The following TMEM131 variants were observed in gnomAD, a reference collection of about 807,000 sequenced individuals.
TMEM131 encodes the protein transmembrane protein 131, also known as 2610524E03Rik.
A neutral mutation model predicts 211.6 loss-of-function variants in TMEM131; 66 were observed. That is an observed-to-expected ratio of 0.31 (90% CI 0.26 to 0.38). The LOEUF is 0.38. TMEM131 is among the 10% of genes least tolerant of loss of function. TMEM131 has a pLI of 1.00. For missense variants in TMEM131, 2,036 were observed against 2,299.3 expected (o/e 0.89, Z 2.34); for synonymous variants, 844 against 841.3 (o/e 1.00, Z -0.06).
Position 97,758,064 on chromosome 2 carries a change from G to A in TMEM131, c.5368-681C>T, listed in dbSNP as rs545420233. ...GGAGAATGGCATGAACCCAGGAGGC[G>A]GAGCTTGCAGTGAGCCGAGATTGTG... On this transcript the variant is annotated intron_variant, in intron 40 of 40. Transcript: ENST00000186436. Among the ~76,000 whole-genome samples, 9 of 151,958 alleles carry A rather than the reference G, an allele frequency of 5.9e-5. No individual in the cohort carries two copies. In the South Asian group the frequency reaches 1.2e-3, roughly 21 times the overall value.
At chr2:97,883,329 C>T (rs1675012154) in intron 4 of TMEM131, among the ~76,000 whole-genome samples, 1 of 152,190 alleles carries the variant, frequency 6.6e-6, no homozygotes, top group South Asian at 2.1e-4. Flanking sequence ...TAACTATACT[C>T]CTTTGCTATG....
chr2:97,913,129 T>C (rs1307126804), intron 2 of TMEM131: 1 of 152,148 alleles, frequency 6.6e-6, no homozygotes. Context: ...GAGGCATTTT[T>C]GTTTGTCGCA....
chr2:97,845,153 C>T (rs1210216389), intron 5 of TMEM131, among the ~76,000 whole-genome samples: 2 of 151,706 alleles, frequency 1.3e-5, no homozygotes, highest in Non-Finnish European at 2.9e-5. Context: ...TAATTCACAA[C>T]TTTTCTTGAA....
intron 11 of TMEM131, among the ~76,000 whole-genome samples, chr2:97,832,106 A>G (rs1682729009): frequency 6.6e-6 from 1 of 151,086 alleles, no homozygotes; most frequent in Non-Finnish European, 1.5e-5. Flanking sequence ...TTTATTACAT[A>G]GCAGTACTAG....
chr2:97,882,159 G>A (rs1674962973), intron 4 of TMEM131, among the ~76,000 whole-genome samples: 1 of 152,092 alleles, frequency 6.6e-6, no homozygotes, highest in South Asian at 2.1e-4. Flanking sequence ...CAAAATTTAG[G>A]AACCTCTTTG....
chr2:97,810,683 T>C (rs1042516309), intron 18 of TMEM131, among the ~76,000 whole-genome samples: 1 of 152,218 alleles, frequency 6.6e-6, no homozygotes, highest in Admixed American at 6.5e-5. Flanking sequence ...TCCCTTGACT[T>C]TGAATGACTC....
intron 1 of TMEM131, among the ~76,000 whole-genome samples, chr2:97,979,610 C>T (rs1346202328): frequency 6.6e-6 from 1 of 151,868 alleles, no homozygotes; most frequent in East Asian, 1.9e-4. Context: ...TCTGCAGCTT[C>T]TTCCCCTCTC....
At chr2:97,990,984 TA>T (rs1680238099) in intron 1 of TMEM131, among the ~76,000 whole-genome samples, 4 of 152,220 alleles carry the variant, frequency 2.6e-5, no homozygotes, top group Admixed American at 2.6e-4. Flanking sequence ...CTATGAAATT[TA>T]AATTGTCATA....
At chr2:97,935,841 T>A (rs939731686) in intron 1 of TMEM131, among the ~76,000 whole-genome samples, 1 of 152,224 alleles carries the variant, frequency 6.6e-6, no homozygotes, top group Non-Finnish European at 1.5e-5. Flanking sequence ...TAATACATTT[T>A]TAAAAAGCTG....
At chr2:97,926,801 T>G (rs1677010540) in intron 2 of TMEM131, among the ~76,000 whole-genome samples, 1 of 152,190 alleles carries the variant, frequency 6.6e-6, no homozygotes, top group South Asian at 2.1e-4. Context: ...TTAGAATGGA[T>G]TATCAACCTG....
chr2:97,973,175 C>T (rs996198642), intron 1 of TMEM131, among the ~76,000 whole-genome samples: 1 of 152,098 alleles, frequency 6.6e-6, no homozygotes, highest in Non-Finnish European at 1.5e-5. Flanking sequence ...TTTTCTGTAC[C>T]AAGAGGTTTA....
chr2:97,766,963 G>T (rs1559345872), intron 33 of TMEM131, among the ~76,000 whole-genome samples: 1 of 152,160 alleles, frequency 6.6e-6, no homozygotes, highest in African/African-American at 2.4e-5. Flanking sequence ...CGGTCATTCT[G>T]CCTGTGAGTC....
At chr2:97,817,523 T>C (rs1448058340) in intron 12 of TMEM131, among the ~76,000 whole-genome samples, 1 of 152,218 alleles carries the variant, frequency 6.6e-6, no homozygotes, top group Admixed American at 6.5e-5. Flanking sequence ...CTCAGCAGCA[T>C]AGAGAACACT....
chr2:97,984,424 G>A (rs1274265767), intron 1 of TMEM131, among the ~76,000 whole-genome samples: 1 of 152,006 alleles, frequency 6.6e-6, no homozygotes, highest in Non-Finnish European at 1.5e-5. Flanking sequence ...GAGTACTGGA[G>A]GCTGGGTAAT....
chr2:97,796,571 T>C (rs1680774479), intron 27 of TMEM131, among the ~76,000 whole-genome samples, 167 bp from the exon 28 acceptor site: 2 of 152,234 alleles, frequency 1.3e-5, no homozygotes, highest in South Asian at 2.1e-4. Flanking sequence ...GTAATCTACT[T>C]TGATAAATCA....
intron 1 of TMEM131, among the ~76,000 whole-genome samples, chr2:97,940,970 C>T (rs149271979): frequency 0.025 from 3,820 of 152,176 alleles, 165 homozygotes; most frequent in African/African-American, 0.088. Flanking sequence ...TTGGAAAATA[C>T]TACTTTAAAG....
At chr2:97,776,435 T>TA in intron 31 of TMEM131, among the ~76,000 whole-genome samples, 1 of 151,904 alleles carries the variant, frequency 6.6e-6, no homozygotes, top group Non-Finnish European at 1.5e-5. Flanking sequence ...CTCTTCTGAT[T>TA]AAAAAAGGTT....
intron 15 of TMEM131, 26 bp from the exon 16 acceptor site, chr2:97,812,775 TA>T (rs758613088): frequency 4.7e-5 from 61 of 1,287,948 alleles, no homozygotes; most frequent in Admixed American, 7.2e-5. Context: ...AGAACCAGAT[TA>T]AAAAAAAGTC....
At chr2:97,947,260 T>C (rs936709446) in intron 1 of TMEM131, among the ~76,000 whole-genome samples, 2 of 151,960 alleles carry the variant, frequency 1.3e-5, no homozygotes, top group Non-Finnish European at 2.9e-5. Context: ...AAAAAAAGTA[T>C]GTAGACTGGA....
Sources: gnomAD v4.1 joint callset for allele counts (sites outside exome capture counted in the v4.1 genomes callset) on GRCh38, gnomAD v4.1.1 for gene constraint, MANE v1.5 for transcripts, NCBI Gene and HGNC (gene_info 2026-07-23, HGNC 2026-07-21) for gene names.